Variants in SPATA7 observed in about 807,000 individuals in gnomAD.
The protein encoded by SPATA7 is spermatogenesis associated 7.
Under a neutral mutation model 51.8 loss-of-function variants are expected in SPATA7, and 43 were observed. The ratio of observed to expected loss-of-function variants is 0.83; its 90% CI spans 0.65 to 1.07. The LOEUF (loss-of-function observed/expected upper bound fraction) is 1.07, where lower values mean the gene tolerates loss of function less well. Ranked by LOEUF, SPATA7 falls within the 50% of genes least tolerant of loss-of-function variation. The pLI is 0.00. For missense variants in SPATA7, 683 were observed against 701.3 expected, an observed-to-expected ratio of 0.97 and a Z score of 0.30; for synonymous variants, 230 against 252.8, an observed-to-expected ratio of 0.91 and a Z score of 0.86.
intron 4 of SPATA7, among the ~76,000 whole-genome samples, chr14:88,464,420 A>AAAG (rs1471609411): frequency 1.3e-5 from 2 of 152,114 alleles, no homozygotes; most frequent in Non-Finnish European, 2.9e-5. Flanking sequence ...TTTCTATCCA[A>AAAG]AAGAGTTCCT....
chr14:88,395,494 T>A (rs955422385), intron 3 of SPATA7, among the ~76,000 whole-genome samples: 5 of 136,828 alleles, frequency 3.7e-5, no homozygotes, highest in African/African-American at 1.2e-4. Flanking sequence ...CTTAGGTCAC[T>A]CAGAATTTCT....
intron 4 of SPATA7, among the ~76,000 whole-genome samples, chr14:88,399,805 A>C (rs1164732143): frequency 6.6e-6 from 1 of 152,196 alleles, no homozygotes; most frequent in African/African-American, 2.4e-5. Context: ...TTATCTACAT[A>C]CCCAACATCA....
At chr14:88,414,068 T>C (rs2076411632) in intron 4 of SPATA7, among the ~76,000 whole-genome samples, 1 of 151,960 alleles carries the variant, frequency 6.6e-6, no homozygotes, top group African/African-American at 2.4e-5. Flanking sequence ...GTTTCATAGA[T>C]TGGGTTTCAT....
chr14:88,416,575 T>C, intron 4 of SPATA7, 136 bp from the exon 5 acceptor site: 1 of 826,084 alleles, frequency 1.2e-6, no homozygotes, highest in South Asian at 1.7e-5. Flanking sequence ...ACTCTTTATA[T>C]AGGAAAATAA....
At chr14:88,402,240 C>G (rs1226560451) in intron 4 of SPATA7, among the ~76,000 whole-genome samples, 2 of 152,100 alleles carry the variant, frequency 1.3e-5, no homozygotes, top group Non-Finnish European at 2.9e-5. Flanking sequence ...TCTATAAATT[C>G]ACTGCAATCC....
At chr14:88,459,661 T>C (rs1001990174), downstream of SPATA7, among the ~76,000 whole-genome samples, 2 of 152,200 alleles carry the variant, frequency 1.3e-5, no homozygotes, top group South Asian at 2.1e-4. Flanking sequence ...GTCTTGACTC[T>C]TTATCCGTTT....
intron 3 of SPATA7, among the ~76,000 whole-genome samples, chr14:88,450,340 A>G (rs1566795314): frequency 6.6e-6 from 1 of 152,040 alleles, no homozygotes; most frequent in African/African-American, 2.4e-5. Context: ...TCATCGTACT[A>G]TTTGTTGCCT....
chr14:88,395,242 AC>A (rs2139879763), intron 3 of SPATA7, among the ~76,000 whole-genome samples: 1 of 152,228 alleles, frequency 6.6e-6, no homozygotes, highest in Non-Finnish European at 1.5e-5. Context: ...AATCCCATTA[AC>A]TACAGACCTT....
chr14:88,460,296 C>T (rs1458495945), intron 4 of SPATA7, among the ~76,000 whole-genome samples: 1 of 152,184 alleles, frequency 6.6e-6, no homozygotes, highest in Non-Finnish European at 1.5e-5. Context: ...TAATATCCTG[C>T]AGAGTGTTTT....
chr14:88,469,920 A>T lies in SPATA7; in HGVS notation c.*53A>T. 1 of 1,613,826 alleles carries T rather than the reference A, an allele frequency of 6.2e-7. No homozygotes were observed. The highest frequency in any genetic ancestry group is 1.1e-5 in the South Asian group (1 of 91,066). On this transcript the variant is annotated 3_prime_UTR_variant, in exon 5 of 5. Transcript: ENST00000556406. The surrounding 1 kb of genome is among the most constrained non-coding windows in gnomAD (Gnocchi z 4.3). ...AATCACTTAAGAGAAATAAGTACCTACCTCTTCTGCTGTCACCATTGCTAT... is the reference window on the plus strand; with the variant it reads ...AATCACTTAAGAGAAATAAGTACCTTCCTCTTCTGCTGTCACCATTGCTAT...
At chr14:88,439,728 A>C (rs540702571), downstream of SPATA7, among the ~76,000 whole-genome samples, 5 of 152,222 alleles carry the variant, frequency 3.3e-5, no homozygotes, top group East Asian at 9.7e-4. Context: ...TGACAGGTCC[A>C]TCTCATTCAT....
At chr14:88,461,239 C>T (rs1031048190) in intron 4 of SPATA7, among the ~76,000 whole-genome samples, 6 of 152,186 alleles carry the variant, frequency 3.9e-5, no homozygotes, top group Non-Finnish European at 8.8e-5. Context: ...TCAAAGCTGT[C>T]AGACAGGGAC....
downstream of SPATA7, among the ~76,000 whole-genome samples, chr14:88,459,467 C>G (rs989269467): frequency 4.6e-5 from 7 of 152,158 alleles, no homozygotes; most frequent in African/African-American, 1.7e-4. Flanking sequence ...ATCCCTTTAC[C>G]ATTATGTAAT....
In SPATA7 at chr14:88,402,514, C is replaced by CA. The variant is rs532892511; in HGVS notation, c.238+6315dup. On this transcript the variant is annotated intron_variant, in intron 4 of 11. Transcript: ENST00000393545. ...CATGTGTTTATAGTCAACTTATCTT[C>CA]AAAAGGGTACCAAACACACACAGTG... Among the ~76,000 whole-genome samples, 261 of 152,184 alleles carry CA rather than the reference C, an allele frequency of 1.7e-3. 1 individual carries two copies. Among genetic ancestry groups the CA allele is most frequent in the African/African-American group, 5.8e-3 (239 of 41,528 alleles).
intron 5 of SPATA7, among the ~76,000 whole-genome samples, chr14:88,417,289 CTTTT>C (rs2076507016): frequency 7.7e-6 from 1 of 130,410 alleles, no homozygotes; most frequent in South Asian, 2.5e-4. Flanking sequence ...TAATTTTTCT[CTTTT>C]AATCTGTGGG....
rs187490087 is a variant in SPATA7, at chr14:88,461,763, G to A, written c.255-8084G>A. On this transcript the variant is annotated intron_variant, in intron 4 of 4. Coordinates refer to the SPATA7 transcript ENST00000556406. Reference sequence around the variant, plus strand: ...CCCGTGAGATGAACCCGGTACCTCAGTTGGAAATGCAGAAATCACCTGTCT... The same window carrying A: ...CCCGTGAGATGAACCCGGTACCTCAATTGGAAATGCAGAAATCACCTGTCT... Among the ~76,000 whole-genome samples, 162 of 152,254 alleles carry A rather than the reference G, an allele frequency of 1.1e-3. 2 individuals are homozygous for A. The East Asian group carries it at 0.023, about 22-fold the overall frequency.
At chr14:88,399,772 A>C (rs1324675251) in intron 4 of SPATA7, among the ~76,000 whole-genome samples, 1 of 152,204 alleles carries the variant, frequency 6.6e-6, no homozygotes, top group Non-Finnish European at 1.5e-5. Context: ...TTAAAGGGTC[A>C]ACTTAACAGG....
intron 4 of SPATA7, chr14:88,467,828 T>A: frequency 3.5e-6 from 1 of 286,086 alleles, no homozygotes; most frequent in South Asian, 4.4e-5. Context: ...ATAGCTTCAG[T>A]AAAATAGAGA....
At chr14:88,415,312 C>T (rs1595237379) in intron 4 of SPATA7, 1 of 280,026 alleles carries the variant, frequency 3.6e-6, no homozygotes, top group Non-Finnish European at 7.6e-6. Context: ...TAATGCCCAT[C>T]TTTGTCCTTA....
Sources: allele counts gnomAD v4.1 joint callset (sites outside exome capture counted in the v4.1 genomes callset), GRCh38; gene constraint gnomAD v4.1.1; non-coding constraint Gnocchi (gnomAD v3.1); transcripts MANE v1.5; gene names NCBI Gene and HGNC (gene_info 2026-07-23, HGNC 2026-07-21).